Variants in DENND2C observed in about 807,000 individuals in gnomAD.
DENND2C encodes the protein DENN domain containing 2C.
DENND2C carries 72 observed loss-of-function variants against 112.4 expected under a neutral mutation model. That is an observed-to-expected ratio of 0.64 (90% CI 0.53 to 0.78). The LOEUF (loss-of-function observed/expected upper bound fraction) is 0.78. Ranked by LOEUF, DENND2C falls within the 30% of genes least tolerant of loss-of-function variation. The pLI is 0.00. For synonymous variants in DENND2C, 329 were observed against 381.6 expected, an observed-to-expected ratio of 0.86 and a Z score of 1.61; for missense variants, 992 against 1,113.8, an observed-to-expected ratio of 0.89 and a Z score of 1.56.
intron 8 of DENND2C, among the ~76,000 whole-genome samples, chr1:114,613,547 T>C (rs1277079053): frequency 6.6e-6 from 1 of 152,156 alleles, no homozygotes; most frequent in Non-Finnish European, 1.5e-5. Context: ...GACTATAAAA[T>C]ATTATTCAGA....
intron 3 of DENND2C, among the ~76,000 whole-genome samples, chr1:114,642,821 G>C (rs770344535): frequency 6.6e-6 from 1 of 152,162 alleles, no homozygotes; most frequent in Non-Finnish European, 1.5e-5. Flanking sequence ...ACAGTGACTG[G>C]AATACAGTAA....
intron 3 of DENND2C, among the ~76,000 whole-genome samples, chr1:114,632,578 C>T (rs1656519191): frequency 6.6e-6 from 1 of 152,084 alleles, no homozygotes; most frequent in Admixed American, 6.6e-5. Flanking sequence ...AAAAATTTGT[C>T]AACAGCAGGC....
intron 11 of DENND2C, among the ~76,000 whole-genome samples, chr1:114,604,061 T>C (rs988065882): frequency 6.6e-6 from 1 of 152,188 alleles, no homozygotes; most frequent in Non-Finnish European, 1.5e-5. Context: ...CAGGCCACTA[T>C]GAAAGCTGCT....
Position 114,600,873 on chromosome 1 carries a change from C to T in DENND2C, c.1903G>A (p.Ala635Thr). ...TTAACTGTGATGGTGCGTCCAGGAG[C>T]TGGGAAAGGAGCTTCCATGACACTT... Reference protein sequence around the residue: ...MRSVMEAPFPAPGRTITVKSY... With the variant: ...MRSVMEAPFPTPGRTITVKSY... Residue 635 changes from alanine (A) to threonine (T), a missense_variant, in exon 14 of 21, where the codon GCT becomes ACT. Around this residue, in one of 3 missense-constraint regions of DENND2C, gnomAD observed 516 missense variants for 623.6 expected, o/e 0.83. Coordinates refer to ENST00000393274, the MANE Select transcript of DENND2C (RefSeq NM_001256404.2). The T allele has an allele frequency of 6.2e-7, 1 of 1,614,080 alleles. No homozygotes were observed. Among genetic ancestry groups the T allele is most frequent in the Non-Finnish European group, 8.5e-7 (1 of 1,179,962 alleles).
chr1:114,600,968 C>G lies in DENND2C; in HGVS notation c.1816-8G>C. ...CTCTACTTCATCCAGAATCTATATACGCAAAGTGTTATTTTATTATGGACT... is the reference window on the plus strand; with the variant it reads ...CTCTACTTCATCCAGAATCTATATAGGCAAAGTGTTATTTTATTATGGACT... On this transcript the variant is annotated splice_polypyrimidine_tract_variant and splice_region_variant and intron_variant, in intron 13 of 20. Transcript: ENST00000393274. 1 of 1,608,472 alleles carries G rather than the reference C, an allele frequency of 6.2e-7. No individual in the cohort carries two copies. Among genetic ancestry groups the G allele is most frequent in the East Asian group, 2.2e-5 (1 of 44,790 alleles).
intron 16 of DENND2C, among the ~76,000 whole-genome samples, chr1:114,597,425 C>G (rs1040699655): frequency 1.3e-5 from 2 of 151,208 alleles, no homozygotes; most frequent in East Asian, 3.9e-4. Flanking sequence ...GCCTGGGGGA[C>G]AAGAGTGAGA....
chr1:114,608,961 T>C lies in DENND2C; in HGVS notation c.1370-88A>G, dbSNP rs77219806. On this transcript the variant is annotated intron_variant, in intron 9 of 20. Coordinates refer to ENST00000393274, the MANE Select transcript of DENND2C (RefSeq NM_001256404.2). ...GAGGTCATGACCCACATAGGATTAA[T>C]CTTCACACAGTCACTGCTGAATGAA... 1,755 of 1,384,538 alleles carry C rather than the reference T, an allele frequency of 1.3e-3. 24 individuals are homozygous for C. The African/African-American group carries it at 0.022, about 17-fold the overall frequency. 85.8% of individuals were successfully genotyped at this position (1,384,538 alleles called of 1,614,324 possible). A position where few individuals can be genotyped will look rare whatever the true frequency, so the allele number is the denominator to read the frequency against.
chr1:114,602,025 G>T, intron 12 of DENND2C, 100 bp downstream of exon 12: 1 of 1,133,408 alleles, frequency 8.8e-7, no homozygotes, highest in Non-Finnish European at 1.3e-6. Flanking sequence ...AGATCATTGA[G>T]CATCCCTCAA....
chr1:114,653,458 G>C (rs924915234), intron 2 of DENND2C, among the ~76,000 whole-genome samples: 3 of 151,960 alleles, frequency 2.0e-5, no homozygotes, highest in Non-Finnish European at 4.4e-5. Flanking sequence ...TTTTTAAAAT[G>C]TTTTTTCATT....
chr1:114,640,879 T>C (rs1553236662), intron 3 of DENND2C, among the ~76,000 whole-genome samples: 1 of 152,220 alleles, frequency 6.6e-6, no homozygotes, highest in African/African-American at 2.4e-5. Context: ...GATATTTTAA[T>C]AACAAACAGC....
intron 1 of DENND2C, among the ~76,000 whole-genome samples, chr1:114,665,658 A>G (rs970658035): frequency 3.9e-4 from 60 of 152,238 alleles, no homozygotes; most frequent in African/African-American, 1.4e-3. Flanking sequence ...TCTGGAATAA[A>G]TGAGTGACTT....
chr1:114,617,365 C>T (rs1402434591), intron 8 of DENND2C, among the ~76,000 whole-genome samples: 1 of 152,116 alleles, frequency 6.6e-6, no homozygotes, highest in African/African-American at 2.4e-5. Flanking sequence ...GGCTGCAGTG[C>T]AGTGGCGCGA....
At chr1:114,644,473 G>A (rs1219467319) in intron 3 of DENND2C, among the ~76,000 whole-genome samples, 8 of 152,190 alleles carry the variant, frequency 5.3e-5, no homozygotes, top group Non-Finnish European at 1.2e-4. Flanking sequence ...AAAGGCTTAC[G>A]AAAAATCTGC....
intron 18 of DENND2C, among the ~76,000 whole-genome samples, chr1:114,591,012 G>A (rs1655174803): frequency 6.6e-6 from 1 of 151,828 alleles, no homozygotes; most frequent in Admixed American, 6.6e-5. Flanking sequence ...TATTGCCCAG[G>A]CTAGAGTGCA....
At chr1:114,648,487 T>C (rs1009031756) in intron 2 of DENND2C, among the ~76,000 whole-genome samples, 3 of 152,216 alleles carry the variant, frequency 2.0e-5, no homozygotes, top group Admixed American at 2.0e-4. Flanking sequence ...ATTAGTTCAC[T>C]ACCCTTAAGG....
chr1:114,649,561 A>G (rs1226464960), intron 2 of DENND2C, among the ~76,000 whole-genome samples: 1 of 152,074 alleles, frequency 6.6e-6, no homozygotes, highest in Admixed American at 6.6e-5. Context: ...TTTTTTAAAT[A>G]GAGACAGGGT....
chr1:114,621,007 C>G (rs1656148212), intron 7 of DENND2C, among the ~76,000 whole-genome samples: 1 of 152,216 alleles, frequency 6.6e-6, no homozygotes, highest in South Asian at 2.1e-4. Context: ...GATTTCTTCA[C>G]TACAGCAGAG....
chr1:114,640,406 G>A (rs953347329), intron 3 of DENND2C, among the ~76,000 whole-genome samples: 1 of 152,154 alleles, frequency 6.6e-6, no homozygotes, highest in Non-Finnish European at 1.5e-5. Context: ...TCAGAGCAAA[G>A]GTATTTTTAT....
At chr1:114,638,511 C>T (rs142188538) in intron 3 of DENND2C, among the ~76,000 whole-genome samples, 1,724 of 152,160 alleles carry the variant, frequency 0.011, 27 homozygotes, top group African/African-American at 0.039. Context: ...GTAATCCCAG[C>T]ACTTTGGGGG....
Sources: allele counts gnomAD v4.1 joint callset (sites outside exome capture counted in the v4.1 genomes callset), GRCh38; gene constraint gnomAD v4.1.1; regional missense constraint gnomAD v4.1.1; transcripts MANE v1.5; gene names NCBI Gene and HGNC (gene_info 2026-07-23, HGNC 2026-07-21).